Variants in RAB27A observed in about 807,000 individuals in gnomAD.
The protein encoded by RAB27A is ras-related protein Rab-27A.
In RAB27A, 17 loss-of-function variants were observed where a neutral mutation model predicts 20.8. The ratio of observed to expected loss-of-function variants is 0.82; its 90% CI spans 0.56 to 1.23. The LOEUF (loss-of-function observed/expected upper bound fraction) is 1.23. RAB27A is among the 50% of genes most tolerant of loss of function. The pLI is 0.00. For synonymous variants in RAB27A, 85 were observed against 92.8 expected (o/e 0.92, Z 0.48); for missense variants, 277 against 266.7 (o/e 1.04, Z -0.27).
At chr15:55,258,805 T>C (rs573285135) in intron 2 of RAB27A, among the ~76,000 whole-genome samples, 1 of 152,314 alleles carries the variant, frequency 6.6e-6, no homozygotes, top group African/African-American at 2.4e-5. Context: ...TGCACATTTG[T>C]ATCTTTCTCC....
At chr15:55,218,760 A>G (rs1468183741) in intron 6 of RAB27A, among the ~76,000 whole-genome samples, 2 of 110,562 alleles carry the variant, frequency 1.8e-5, no homozygotes, top group East Asian at 4.4e-4. Flanking sequence ...TTTTTTTTTT[A>G]GAGGCAGAGC....
intron 1 of RAB27A, among the ~76,000 whole-genome samples, chr15:55,281,837 A>G (rs1898024125): frequency 6.6e-6 from 1 of 152,208 alleles, no homozygotes; most frequent in Non-Finnish European, 1.5e-5. Flanking sequence ...TCTTATACCT[A>G]TTACAATGAA....
chr15:55,294,589 G>GAAA (rs1181179911), upstream of RAB27A, among the ~76,000 whole-genome samples: 669 of 29,142 alleles, frequency 0.023, 5 homozygotes, highest in Non-Finnish European at 0.033. Flanking sequence ...CCCTGTCTCC[G>GAAA]AAAAAAAAAA....
chr15:55,238,918 G>T (rs562452029), intron 2 of RAB27A, among the ~76,000 whole-genome samples: 6 of 152,080 alleles, frequency 3.9e-5, no homozygotes, highest in Admixed American at 3.9e-4. Context: ...AAAAGAATCT[G>T]GTTCATATTA....
chr15:55,269,374 T>C (rs1489159072), intron 2 of RAB27A, among the ~76,000 whole-genome samples: 1 of 152,168 alleles, frequency 6.6e-6, no homozygotes. Flanking sequence ...GAATTAACAC[T>C]AATTTAAAAG....
chr15:55,203,218 A>C lies in RAB27A; in HGVS notation c.*2289T>G, dbSNP rs1031630547. The C allele has an allele frequency of 1.3e-5, 2 of 152,158 alleles. No individual in the cohort carries two copies. Among genetic ancestry groups the C allele is most frequent in the African/African-American group, 4.8e-5 (2 of 41,434 alleles). 9.4% of individuals were successfully genotyped at this position (152,158 alleles called of 1,614,324 possible). A position where few individuals can be genotyped will look rare whatever the true frequency, so the allele number is the denominator to read the frequency against. On this transcript the variant is annotated 3_prime_UTR_variant, in exon 7 of 7. Transcript: ENST00000336787. ...TTAAGGCCAGTGGAATCTATAGCTA[A>C]TTACTCATTTGGTTCTTGAAAACTG... is the stretch of plus-strand genomic sequence containing the variant.
rs1387345601 is a variant in RAB27A at position 55,223,921 on chromosome 15, C to T, written c.435G>A (p.Glu145=). The T allele has an allele frequency of 6.2e-7, 1 of 1,613,920 alleles. No homozygotes were observed. The highest frequency in any genetic ancestry group is 1.7e-5 in the Admixed American group (1 of 60,018). The change falls in exon 6 of 7, where the codon GAG becomes GAA. Residue 145 remains glutamate (E), a synonymous_variant. Coordinates refer to ENST00000336787, the MANE Select transcript of RAB27A (RefSeq NM_183235.3). ...SDLEDQRVVK[E]EEAIALAEKY... ...TCTCTGCGAGTGCTATGGCTTCCTC[C>T]TCTTTCACTACTCTCTGGTCCTCCA...
At position 55,229,451 on chromosome 15, in the gene RAB27A, A is replaced by C. The variant is rs572997820; in HGVS notation, c.240-739T>G. ...AGCACTTTGGGAGGTCAAGGCAGGC[A>C]GATCACCTGAAGTCAGGAGTTAGAG... On this transcript the variant is annotated intron_variant, in intron 4 of 6. Transcript: ENST00000336787. Among the ~76,000 whole-genome samples, 13 of 152,292 alleles carry C rather than the reference A, an allele frequency of 8.5e-5. 1 individual carries two copies. The highest frequency in any genetic ancestry group is 4.6e-4 in the Admixed American group (7 of 15,298).
chr15:55,252,447 C>T (rs1286388780), intron 2 of RAB27A, among the ~76,000 whole-genome samples: 1 of 151,808 alleles, frequency 6.6e-6, no homozygotes, highest in African/African-American at 2.4e-5. Flanking sequence ...CTAAAAAATA[C>T]AAAAATTAGC....
intron 1 of RAB27A, among the ~76,000 whole-genome samples, chr15:55,280,417 T>C (rs1348882634): frequency 6.6e-6 from 1 of 151,568 alleles, no homozygotes; most frequent in Non-Finnish European, 1.5e-5. Flanking sequence ...AAAACATAGA[T>C]TCCCAAGCCC....
intron 2 of RAB27A, among the ~76,000 whole-genome samples, chr15:55,266,587 G>T (rs1897494540): frequency 6.6e-6 from 1 of 152,182 alleles, no homozygotes; most frequent in African/African-American, 2.4e-5. Context: ...AAAAGGAAAA[G>T]ATGGTTTGAG....
At chr15:55,228,484 C>T (rs1895896977) in intron 5 of RAB27A, 125 bp downstream of exon 5, 4 of 781,528 alleles carry the variant, frequency 5.1e-6, no homozygotes, top group Non-Finnish European at 8.9e-6. Context: ...AAACCTTGCT[C>T]CTTAAAATAG....
At chr15:55,296,610 G>T (rs1455583935) in intron 2 of RAB27A, among the ~76,000 whole-genome samples, 1 of 152,182 alleles carries the variant, frequency 6.6e-6, no homozygotes, top group Non-Finnish European at 1.5e-5. Flanking sequence ...AAGGACACAG[G>T]ATCCATCCTG....
At chr15:55,241,044 G>A (rs757204671) in intron 2 of RAB27A, among the ~76,000 whole-genome samples, 2 of 152,198 alleles carry the variant, frequency 1.3e-5, no homozygotes, top group Non-Finnish European at 2.9e-5. Context: ...TAAGTTCTAT[G>A]TAAGTATTAG....
chr15:55,274,270 G>A lies in RAB27A; in HGVS notation c.-142-3986C>T, dbSNP rs568779096. Among the ~76,000 whole-genome samples, 45 of 151,994 alleles carry A rather than the reference G, an allele frequency of 3.0e-4. No individual in the cohort carries two copies. The South Asian group carries it at 3.9e-3, about 13-fold the overall frequency. On this transcript the variant is annotated intron_variant, in intron 1 of 6. Transcript: ENST00000336787. The stretch of plus-strand genomic sequence containing the variant: ...CAGTTTTAAGAGGGAAGTTTACAGC[G>A]ATAAATGCCTCCATTAAGAAAAAAG...
chr15:55,306,651 G>A (rs1275605783), intron 2 of RAB27A, among the ~76,000 whole-genome samples: 2 of 152,204 alleles, frequency 1.3e-5, no homozygotes, highest in African/African-American at 4.8e-5. Context: ...TGCATGCAAA[G>A]AGTGGCAGAG....
chr15:55,235,334 G>A (rs949820290), intron 2 of RAB27A, among the ~76,000 whole-genome samples: 3 of 152,064 alleles, frequency 2.0e-5, no homozygotes, highest in African/African-American at 7.2e-5. Flanking sequence ...TATAATCCCA[G>A]CTACTCAGGA....
chr15:55,253,300 AGCCGGGCAC>A (rs913620282), intron 2 of RAB27A, among the ~76,000 whole-genome samples: 1 of 150,920 alleles, frequency 6.6e-6, no homozygotes, highest in Non-Finnish European at 1.5e-5. Context: ...TACAAAAATT[AGCCGGGCAC>A]GGTGGCGGGT....
chr15:55,286,983 G>A lies in RAB27A; in HGVS notation c.-143+2733C>T, dbSNP rs558967974. Among the ~76,000 whole-genome samples the A allele has an allele frequency of 1.0e-3, 131 of 130,750 alleles. 2 individuals carry two copies. The highest frequency in any genetic ancestry group is 6.7e-4 in the Admixed American group (7 of 10,402). The allele number at this position is 130,750 out of a possible 152,430, so 85.8% of individuals were successfully genotyped here. A position where few individuals can be genotyped will look rare whatever the true frequency, so the allele number is the denominator to read the frequency against. Reference sequence around the variant, plus strand: ...CGCCCAGGCTGGAGTGCAATGGCACGATCTTAGCTCACTGCAACCTCCGCC... The same window carrying A: ...CGCCCAGGCTGGAGTGCAATGGCACAATCTTAGCTCACTGCAACCTCCGCC... On this transcript the variant is annotated intron_variant, in intron 1 of 6. Coordinates refer to ENST00000336787, the MANE Select transcript of RAB27A (RefSeq NM_183235.3).
Sources: gnomAD v4.1 joint callset for allele counts (sites outside exome capture counted in the v4.1 genomes callset) on GRCh38, gnomAD v4.1.1 for gene constraint, MANE v1.5 for transcripts, NCBI Gene and HGNC (gene_info 2026-07-23, HGNC 2026-07-21) for gene names.